ERC2: variants seen among roughly 807,000 people sequenced by gnomAD.
The protein encoded by ERC2 is ERC protein 2.
In ERC2, 42 loss-of-function variants were observed where a neutral mutation model predicts 114.8. The observed-to-expected ratio is 0.37, with a 90% CI of 0.29 to 0.47. ERC2 has a LOEUF of 0.47. Among genes scored for constraint, ERC2 ranks in the 20% least tolerant of loss-of-function variants. ERC2 has a pLI of 0.99. For missense variants in ERC2, 939 were observed against 1,150.7 expected (o/e 0.82, Z 2.66); for synonymous variants, 454 against 425.5 (o/e 1.07, Z -0.82).
intron 4 of ERC2, among the ~76,000 whole-genome samples, chr3:56,152,754 T>A (rs896074010): frequency 6.6e-6 from 1 of 152,218 alleles, no homozygotes; most frequent in African/African-American, 2.4e-5. Context: ...TTTTCAATCA[T>A]TTCTTTCTAC....
At position 55,671,903 on chromosome 3, in the gene ERC2, C is replaced by T. The variant is rs377476518; in HGVS notation, c.*39+11891G>A. On this transcript the variant is annotated intron_variant, in intron 17 of 17. Coordinates refer to ENST00000288221, the MANE Select transcript of ERC2 (RefSeq NM_015576.3). ...GGCTGTGAGCAATAAGCACAGCAAA[C>T]GCTGTCTCTCTGGAGTGTGACAGCT... Among the ~76,000 whole-genome samples the T allele has an allele frequency of 7.1e-4, 108 of 152,276 alleles. 2 individuals carry two copies. In the South Asian group the frequency reaches 0.019, roughly 27 times the overall value.
chr3:56,414,136 G>C (rs988302177), intron 2 of ERC2, among the ~76,000 whole-genome samples: 1 of 152,116 alleles, frequency 6.6e-6, no homozygotes, highest in Non-Finnish European at 1.5e-5. Flanking sequence ...CTCCTCCCCC[G>C]CAAAGCATGT....
At chr3:55,522,194 T>C (rs1229184540) in intron 17 of ERC2, among the ~76,000 whole-genome samples, 1 of 152,106 alleles carries the variant, frequency 6.6e-6, no homozygotes, top group Non-Finnish European at 1.5e-5. Flanking sequence ...TAGTCTTCTC[T>C]GGGGGGAGGG....
intron 11 of ERC2, 90 bp from the exon 12 acceptor site, chr3:55,986,078 T>C (rs191215553): frequency 8.3e-7 from 1 of 1,204,566 alleles, no homozygotes; most frequent in East Asian, 2.6e-5. Context: ...GGAAATGCAT[T>C]AGTTTTAAAC....
chr3:56,236,293 T>C (rs2050942264), intron 3 of ERC2, among the ~76,000 whole-genome samples: 1 of 151,972 alleles, frequency 6.6e-6, no homozygotes, highest in African/African-American at 2.4e-5. Context: ...TTTTTTCAAG[T>C]ATCACTTGAG....
chr3:55,548,056 G>A (rs1236186794), intron 17 of ERC2, among the ~76,000 whole-genome samples: 1 of 152,196 alleles, frequency 6.6e-6, no homozygotes, highest in Non-Finnish European at 1.5e-5. Context: ...AATAGGGGCT[G>A]GGGAAGCAGC....
intron 2 of ERC2, among the ~76,000 whole-genome samples, chr3:56,335,655 T>C (rs557759871): frequency 6.6e-6 from 1 of 152,204 alleles, no homozygotes; most frequent in South Asian, 2.1e-4. Context: ...GACTAAGAAC[T>C]AAAAATACGT....
intron 3 of ERC2, among the ~76,000 whole-genome samples, chr3:56,256,700 G>C (rs1467290785): frequency 6.6e-6 from 1 of 152,170 alleles, no homozygotes; most frequent in African/African-American, 2.4e-5. Context: ...TTGAGGGAAG[G>C]AAGTGATTGA....
At chr3:55,840,244 C>T (rs2061073267) in intron 14 of ERC2, among the ~76,000 whole-genome samples, 1 of 151,898 alleles carries the variant, frequency 6.6e-6, no homozygotes, top group African/African-American at 2.4e-5. Context: ...ATAAAGGAAT[C>T]AAATATTGAC....
intron 17 of ERC2, among the ~76,000 whole-genome samples, chr3:55,596,523 G>A (rs996051240): frequency 2.0e-5 from 3 of 152,160 alleles, no homozygotes; most frequent in Non-Finnish European, 4.4e-5. Context: ...AGGTTACAGC[G>A]AGCTGTGATT....
At chr3:56,442,630 G>C (rs769010125) in intron 1 of ERC2, among the ~76,000 whole-genome samples, 40 of 152,140 alleles carry the variant, frequency 2.6e-4, no homozygotes, top group Admixed American at 1.6e-3. Context: ...TGGGGTTTTC[G>C]TTTTAACCCA....
intron 17 of ERC2, among the ~76,000 whole-genome samples, chr3:55,568,945 G>C (rs1434474106): frequency 6.6e-6 from 1 of 152,038 alleles, no homozygotes; most frequent in Non-Finnish European, 1.5e-5. Flanking sequence ...CTCACCTCAG[G>C]GGCTTTGCAT....
At chr3:56,188,214 T>G (rs1390004388) in intron 3 of ERC2, among the ~76,000 whole-genome samples, 3 of 152,186 alleles carry the variant, frequency 2.0e-5, no homozygotes, top group Non-Finnish European at 4.4e-5. Context: ...AAAACTGGAT[T>G]GAAGAAAGCC....
intron 3 of ERC2, among the ~76,000 whole-genome samples, chr3:56,256,514 T>C (rs1406637526): frequency 6.6e-6 from 1 of 152,214 alleles, no homozygotes; most frequent in East Asian, 1.9e-4. Flanking sequence ...TAATTTATCT[T>C]TTCTTTTGTT....
At chr3:56,182,080 T>C (rs2083320389) in intron 3 of ERC2, among the ~76,000 whole-genome samples, 1 of 152,168 alleles carries the variant, frequency 6.6e-6, no homozygotes, top group African/African-American at 2.4e-5. Flanking sequence ...AAATTTGGGG[T>C]AATGTGTTAT....
intron 3 of ERC2, among the ~76,000 whole-genome samples, chr3:56,183,752 G>C (rs571732166): frequency 8.5e-5 from 13 of 152,268 alleles, no homozygotes; most frequent in African/African-American, 3.1e-4. Context: ...GTCATGCCTA[G>C]AGGATTTGGG....
At chr3:55,566,481 GA>G (rs1178838796) in intron 17 of ERC2, among the ~76,000 whole-genome samples, 1 of 151,808 alleles carries the variant, frequency 6.6e-6, no homozygotes, top group Admixed American at 6.6e-5. Flanking sequence ...GAACAGGTTG[GA>G]GTGCAATGGT....
intron 17 of ERC2, among the ~76,000 whole-genome samples, chr3:55,531,306 C>G (rs562790134): frequency 6.6e-6 from 1 of 152,210 alleles, no homozygotes; most frequent in Admixed American, 6.5e-5. Context: ...TTGATGCAAC[C>G]CTCAAGTCAC....
At chr3:55,624,058 A>G (rs974276162) in intron 17 of ERC2, among the ~76,000 whole-genome samples, 26 of 152,214 alleles carry the variant, frequency 1.7e-4, no homozygotes, top group African/African-American at 5.8e-4. Flanking sequence ...TAGGACTCCA[A>G]CAGCTCAAGA....
Sources: allele counts gnomAD v4.1 joint callset (sites outside exome capture counted in the v4.1 genomes callset), GRCh38; gene constraint gnomAD v4.1.1; transcripts MANE v1.5; gene names NCBI Gene and HGNC (gene_info 2026-07-23, HGNC 2026-07-21).